Variants in ATXN3 observed in about 807,000 individuals in gnomAD.
The protein encoded by ATXN3 is ataxin 3.
A neutral mutation model predicts 58.2 loss-of-function variants in ATXN3; 28 were observed. That is an observed-to-expected ratio of 0.48 (90% confidence interval 0.36 to 0.66). ATXN3 has a LOEUF of 0.66. Ranked by LOEUF, ATXN3 falls within the 30% of genes least tolerant of loss-of-function variation. The pLI is 0.00. For missense variants in ATXN3, 321 were observed against 422.1 expected (o/e 0.76, Z 2.10); for synonymous variants, 113 against 138.5 (o/e 0.82, Z 1.29).
In ATXN3 at chr14:92,062,680, G is replaced by A. The variant is rs531128594; in HGVS notation, c.*1640C>T. The stretch of plus-strand genomic sequence containing the variant: ...AAAATAAAGCTATCCTTTTGTGTAA[G>A]GGAAACTTCAGAAAACTGATTGGCA... On this transcript the variant is annotated 3_prime_UTR_variant, in exon 11 of 11. Coordinates refer to ENST00000644486, the MANE Select transcript of ATXN3 (RefSeq NM_004993.6). 1.3e-5 allele frequency: 2 copies of A among 152,348 alleles called. No homozygotes were observed. The highest frequency in any genetic ancestry group is 2.9e-5 in the Non-Finnish European group (2 of 67,992). The allele number at this position is 152,348 out of a possible 1,614,324, so 9.4% of individuals were successfully genotyped here.
chr14:92,077,812 T>A (rs538564457), intron 9 of ATXN3, among the ~76,000 whole-genome samples: 1 of 151,446 alleles, frequency 6.6e-6, no homozygotes, highest in Non-Finnish European at 1.5e-5. Flanking sequence ...GCCCAACTAA[T>A]TTTTTTGTAT....
intron 6 of ATXN3, among the ~76,000 whole-genome samples, chr14:92,086,605 C>T (rs372963663): frequency 8.1e-5 from 12 of 147,346 alleles, no homozygotes; most frequent in East Asian, 2.0e-4. Flanking sequence ...TGGTGGTGCA[C>T]GCCTGTAATC....
chr14:92,076,894 C>G (rs2140521403), intron 9 of ATXN3, among the ~76,000 whole-genome samples: 1 of 136,362 alleles, frequency 7.3e-6, no homozygotes, highest in African/African-American at 2.8e-5. Context: ...GAGCCGAGAT[C>G]ATGCCACTAC....
intron 7 of ATXN3, 66 bp from the exon 8 acceptor site, chr14:92,082,532 T>C (rs2061641250): frequency 7.0e-7 from 1 of 1,425,278 alleles, no homozygotes; most frequent in East Asian, 2.3e-5. Context: ...CATAAAGGCA[T>C]TTGTAATGTA....
At chr14:92,080,190 G>T (rs1193699564) in intron 9 of ATXN3, among the ~76,000 whole-genome samples, 1 of 152,136 alleles carries the variant, frequency 6.6e-6, no homozygotes, top group Non-Finnish European at 1.5e-5. Flanking sequence ...CCAGATTTAT[G>T]GTTTGCATCC....
intron 10 of ATXN3, among the ~76,000 whole-genome samples, chr14:92,069,534 G>C (rs945060011): frequency 6.6e-6 from 1 of 151,014 alleles, no homozygotes; most frequent in African/African-American, 2.4e-5. Flanking sequence ...CATCACGCCT[G>C]GCTAATTTTT....
chr14:92,085,361 A>AT (rs1200900213), intron 6 of ATXN3, among the ~76,000 whole-genome samples: 2 of 151,456 alleles, frequency 1.3e-5, no homozygotes, highest in Non-Finnish European at 1.5e-5. Flanking sequence ...TAATTTTTGT[A>AT]TTTTTTGGTA....
intron 5 of ATXN3, among the ~76,000 whole-genome samples, chr14:92,089,332 C>T (rs571382527): frequency 0.012 from 726 of 60,726 alleles, 36 homozygotes; most frequent in Middle Eastern, 0.075. Context: ...GCTAAATACT[C>T]TTTTTTTTTT....
At chr14:92,098,008 C>T (rs2141191974) in intron 1 of ATXN3, among the ~76,000 whole-genome samples, 1 of 152,234 alleles carries the variant, frequency 6.6e-6, no homozygotes, top group East Asian at 1.9e-4. Context: ...TGCATCAAAT[C>T]TCATATTTTA....
At chr14:92,084,452 T>C (rs1213421852) in intron 6 of ATXN3, among the ~76,000 whole-genome samples, 1 of 152,208 alleles carries the variant, frequency 6.6e-6, no homozygotes, top group African/African-American at 2.4e-5. Context: ...ATTAGTCTAG[T>C]GTGACTGTGT....
intron 5 of ATXN3, among the ~76,000 whole-genome samples, chr14:92,092,906 A>C (rs56124506): frequency 0.021 from 3,230 of 150,796 alleles, 138 homozygotes; most frequent in Admixed American, 0.12. Context: ...TCTGTCACCC[A>C]GGCTGGGGTA....
At chr14:92,051,766 C>T (rs1307653228), upstream of ATXN3, among the ~76,000 whole-genome samples, 4 of 94,438 alleles carry the variant, frequency 4.2e-5, no homozygotes, top group Non-Finnish European at 7.4e-5. Flanking sequence ...CTCTCTCTGT[C>T]GCCTGGGCTG....
At position 92,058,689 on chromosome 14, in the gene ATXN3, C is replaced by G. The variant is rs2057533510; in HGVS notation, c.*5631G>C. 1 of 152,166 alleles carries G rather than the reference C, an allele frequency of 6.6e-6. No individual in the cohort carries two copies. The highest frequency in any genetic ancestry group is 1.5e-5 in the Non-Finnish European group (1 of 68,030). 9.4% of individuals were successfully genotyped at this position (152,166 alleles called of 1,614,324 possible). On this transcript the variant is annotated 3_prime_UTR_variant, in exon 11 of 11. Coordinates refer to ENST00000644486, the MANE Select transcript of ATXN3 (RefSeq NM_004993.6). ...CTTTTCTAACGACCAGACAGGAAGG[C>G]CTGTGTGTGTAATAACAGCAAATGA...
intron 1 of ATXN3, among the ~76,000 whole-genome samples, chr14:92,104,455 T>C (rs942087736): frequency 5.3e-5 from 8 of 152,188 alleles, no homozygotes; most frequent in African/African-American, 1.7e-4. Context: ...TTCGGGTAAG[T>C]AGATTTTCAC....
At chr14:92,076,025 C>T (rs1008805977) in intron 9 of ATXN3, among the ~76,000 whole-genome samples, 1 of 152,140 alleles carries the variant, frequency 6.6e-6, no homozygotes, top group African/African-American at 2.4e-5. Context: ...TATCGATATT[C>T]GAACATTTTT....
At chr14:92,092,076 C>T (rs908222860) in intron 5 of ATXN3, among the ~76,000 whole-genome samples, 6 of 149,642 alleles carry the variant, frequency 4.0e-5, no homozygotes, top group African/African-American at 1.5e-4. Flanking sequence ...TTCCTCATTG[C>T]CATGTTTCCC....
At chr14:92,077,881 A>G (rs1033929638) in intron 9 of ATXN3, among the ~76,000 whole-genome samples, 2 of 144,382 alleles carry the variant, frequency 1.4e-5, no homozygotes, top group Admixed American at 6.9e-5. Flanking sequence ...TCATGGCCTC[A>G]AGTGATCTGC....
rs773787977 is a variant in ATXN3, at chr14:92,070,837, A to G, written c.991+98T>C. 4 of 1,607,140 alleles carry G rather than the reference A, an allele frequency of 2.5e-6. No homozygotes were observed. The South Asian group carries it at 3.3e-5, about 13-fold the overall frequency. ...CTTAAGATTCTTAATATGATTAAAG[A>G]GGGAATGAAGAATAATGTAAAGCAA... On this transcript the variant is annotated intron_variant, in intron 10 of 10. Coordinates refer to ENST00000644486, the MANE Select transcript of ATXN3 (RefSeq NM_004993.6).
chr14:92,103,297 T>C (rs552284668), intron 1 of ATXN3, among the ~76,000 whole-genome samples: 2 of 145,776 alleles, frequency 1.4e-5, no homozygotes, highest in East Asian at 3.9e-4. Flanking sequence ...GGGAAAAACA[T>C]GCACAAATAA....
Sources: allele counts gnomAD v4.1 joint callset (sites outside exome capture counted in the v4.1 genomes callset), GRCh38; gene constraint gnomAD v4.1.1; transcripts MANE v1.5; gene names NCBI Gene and HGNC (gene_info 2026-07-23, HGNC 2026-07-21).